Variants in KCNU1 observed in about 807,000 individuals in gnomAD.
KCNU1 encodes potassium channel subfamily U member 1.
In KCNU1, 93 loss-of-function variants were observed where a neutral mutation model predicts 126.8. The ratio of observed to expected loss-of-function variants is 0.73; its 90% CI spans 0.62 to 0.87. The LOEUF (loss-of-function observed/expected upper bound fraction) is 0.87. KCNU1 is among the 40% of genes least tolerant of loss of function. The probability of loss-of-function intolerance (pLI) is 0.00; values close to 1 mark genes in which losing one functional copy is unlikely to be tolerated. For synonymous variants in KCNU1, 523 were observed against 494.2 expected, an observed-to-expected ratio of 1.06 and a Z score of -0.77; for missense variants, 1,330 against 1,367.1, an observed-to-expected ratio of 0.97 and a Z score of 0.43.
rs1191774395 is a variant in KCNU1, at chr8:36,834,771, G to A, written c.1213-15G>A. The A allele has an allele frequency of 5.7e-6, 9 of 1,571,806 alleles. No individual in the cohort carries two copies. The highest frequency in any genetic ancestry group is 2.2e-5 in the South Asian group (2 of 89,024). ...GTAATTAACAAGATGGCTCCTGTCC[G>A]ATCTTGAAGGGTAGGTGGAATCTGC... On this transcript the variant is annotated splice_polypyrimidine_tract_variant and intron_variant, in intron 11 of 26. Coordinates refer to ENST00000399881, the MANE Select transcript of KCNU1 (RefSeq NM_001031836.3).
Position 36,919,010 on chromosome 8 carries a change from G to A in KCNU1, c.2596+113G>A, listed in dbSNP as rs563377500. On this transcript the variant is annotated intron_variant, in intron 23 of 26. Transcript: ENST00000399881. Reference sequence around the variant, plus strand: ...CACAGGACTCAGGAACCAGAATGGGGCTCAGAGCTTTAAGTGCTTGCCCGG... The same window carrying A: ...CACAGGACTCAGGAACCAGAATGGGACTCAGAGCTTTAAGTGCTTGCCCGG... 267 of 718,570 alleles carry A rather than the reference G, an allele frequency of 3.7e-4. 4 individuals carry two copies. The highest frequency in any genetic ancestry group is 8.1e-4 in the Admixed American group (37 of 45,792). The allele number at this position is 718,570 out of a possible 1,614,324, so 44.5% of individuals were successfully genotyped here.
At chr8:36,798,743 G>C (rs561126224) in intron 2 of KCNU1, among the ~76,000 whole-genome samples, 4 of 152,122 alleles carry the variant, frequency 2.6e-5, no homozygotes, top group Non-Finnish European at 4.4e-5. Flanking sequence ...CCCCACCACT[G>C]CTTTGAGTCC....
Position 36,905,748 on chromosome 8 carries a change from G to C in KCNU1, c.2050G>C (p.Asp684His). 6.2e-7 allele frequency: 1 copy of C among 1,606,734 alleles called. No homozygotes were observed. The highest frequency in any genetic ancestry group is 1.1e-5 in the South Asian group (1 of 90,504). ...TGTAGAACAAGATTCTGACCAGCTT[G>C]ATAGCAGTGGGATGTTTCACTGGTG... is the stretch of plus-strand genomic sequence containing the variant. ...HDVEQDSDQL[D>H]SSGMFHWCKP... The change falls in exon 20 of 27, where the codon GAT (aspartate) becomes CAT (histidine). Residue 684 changes from aspartate (D) to histidine (H), a missense_variant. By Grantham distance (81) the Asp-to-His change is moderately conservative (BLOSUM62 -1). Coordinates refer to ENST00000399881, the MANE Select transcript of KCNU1 (RefSeq NM_001031836.3).
chr8:36,911,050 A>G lies in KCNU1; in HGVS notation c.2452A>G (p.Ile818Val), dbSNP rs1454383143. 6.2e-7 allele frequency: 1 copy of G among 1,613,658 alleles called. No individual in the cohort carries two copies. The highest frequency in any genetic ancestry group is 8.5e-7 in the Non-Finnish European group (1 of 1,179,838). ...CCAGACTTTGGTAGACACAGAAGCC[A>G]TCATGGCAACCCTCACCATCGGATC... ...SNQTLVDTEA[I>V]MATLTIGSLQ... is the part of the protein sequence containing the mutation. The change falls in exon 22 of 27, where the codon ATC (isoleucine) becomes GTC (valine). Residue 818 changes from isoleucine to valine, a missense_variant. Ile to Val is a conservative substitution (Grantham distance 29). This residue lies in a region of KCNU1 where 1,054 missense variants were observed against 1,053.9 expected (regional missense o/e 1.00). Coordinates refer to ENST00000399881, the MANE Select transcript of KCNU1 (RefSeq NM_001031836.3).
At chr8:36,819,194 T>C (rs1804033819) in intron 10 of KCNU1, among the ~76,000 whole-genome samples, 1 of 152,158 alleles carries the variant, frequency 6.6e-6, no homozygotes, top group Non-Finnish European at 1.5e-5. Context: ...CTCTTAGACA[T>C]TCTCTGTGGC....
chr8:36,879,019 G>C (rs574855530), intron 19 of KCNU1, among the ~76,000 whole-genome samples: 1 of 147,380 alleles, frequency 6.8e-6, no homozygotes, highest in Non-Finnish European at 1.5e-5. Flanking sequence ...CAAATCATCG[G>C]GACTTTGCTG....
intron 24 of KCNU1, chr8:36,923,063 TAAGTCAAATCTCCCTCCATG>T (rs1808419255): frequency 2.2e-6 from 1 of 457,078 alleles, no homozygotes; most frequent in African/African-American, 2.0e-5. Flanking sequence ...TGCTCAGAGC[TAAGTCAAATCTCCCTCCATG>T]TTCCTCCTCT....
chr8:36,924,232 G>A (rs1286573401), intron 24 of KCNU1, among the ~76,000 whole-genome samples: 1 of 152,190 alleles, frequency 6.6e-6, no homozygotes, highest in Non-Finnish European at 1.5e-5. Flanking sequence ...ATTTTCAAGG[G>A]AAGAGCTGCA....
chr8:36,822,621 G>A (rs931748713), intron 10 of KCNU1, among the ~76,000 whole-genome samples: 2 of 152,074 alleles, frequency 1.3e-5, no homozygotes, highest in African/African-American at 2.4e-5. Context: ...TCTATGAAAT[G>A]TTATGAAAAT....
At chr8:36,808,417 A>T (rs1319874925) in intron 6 of KCNU1, among the ~76,000 whole-genome samples, 1 of 152,106 alleles carries the variant, frequency 6.6e-6, no homozygotes, top group Non-Finnish European at 1.5e-5. Flanking sequence ...AAGTGATATG[A>T]GGCTAGTGGA....
intron 18 of KCNU1, among the ~76,000 whole-genome samples, chr8:36,848,081 C>T (rs1376005268): frequency 3.9e-5 from 6 of 152,190 alleles, no homozygotes. Context: ...TGATGTTAAA[C>T]ATACTTATAT....
intron 20 of KCNU1, among the ~76,000 whole-genome samples, chr8:36,907,711 T>C (rs1202917251): frequency 1.3e-5 from 2 of 152,288 alleles, no homozygotes; most frequent in African/African-American, 4.8e-5. Flanking sequence ...GCCTGTTTCA[T>C]AGAAGATTGC....
intron 19 of KCNU1, among the ~76,000 whole-genome samples, chr8:36,879,292 A>G (rs1806390754): frequency 6.7e-6 from 1 of 148,612 alleles, no homozygotes; most frequent in African/African-American, 2.5e-5. Context: ...TTTAGGTTAT[A>G]TATATACCCA....
At chr8:36,912,770 G>T (rs1447185204) in intron 22 of KCNU1, among the ~76,000 whole-genome samples, 3 of 152,114 alleles carry the variant, frequency 2.0e-5, no homozygotes, top group African/African-American at 7.2e-5. Flanking sequence ...AGGAGATTGA[G>T]ATCATTTTGG....
In KCNU1 at chr8:36,931,106, G is replaced by C; in HGVS notation, c.2892G>C (p.Gly964=). 1 of 1,611,136 alleles carries C rather than the reference G, an allele frequency of 6.2e-7. No homozygotes were observed. The highest frequency in any genetic ancestry group is 8.5e-7 in the Non-Finnish European group (1 of 1,178,470). Residue 964 remains glycine, a synonymous_variant, in exon 25 of 27, where the codon GGG becomes GGC. Transcript: ENST00000399881. The part of the protein sequence containing the change: ...LLSGRNRCKL[G]LLSLHETILS... Reference sequence around the variant, plus strand: ...CTGGAAGAAACCGGTGTAAGCTGGGGCTTCTGTCCTTACACGAAACCATTT... The same window carrying C: ...CTGGAAGAAACCGGTGTAAGCTGGGCCTTCTGTCCTTACACGAAACCATTT...
intron 19 of KCNU1, among the ~76,000 whole-genome samples, chr8:36,885,746 T>A (rs906493677): frequency 6.6e-6 from 1 of 152,002 alleles, no homozygotes; most frequent in Non-Finnish European, 1.5e-5. Context: ...TGAGCCAAGA[T>A]TGTGCCATTG....
chr8:36,896,595 A>G lies in KCNU1; in HGVS notation c.2010-9113A>G, dbSNP rs543226124. Reference sequence around the variant, plus strand: ...AATAGAATGCGATGATCTTTAAGACATCTAAAATTTGGTGTGTTTACTGTT... The same window carrying G: ...AATAGAATGCGATGATCTTTAAGACGTCTAAAATTTGGTGTGTTTACTGTT... On this transcript the variant is annotated intron_variant, in intron 19 of 26. Coordinates refer to ENST00000399881, the MANE Select transcript of KCNU1 (RefSeq NM_001031836.3). Among the ~76,000 whole-genome samples, 7 of 152,190 alleles carry G rather than the reference A, an allele frequency of 4.6e-5. No homozygotes were observed. In the East Asian group the frequency reaches 1.4e-3, roughly 29 times the overall value.
At chr8:36,833,455 A>G (rs1804629096) in intron 10 of KCNU1, 99 bp from the exon 11 acceptor site, 1 of 660,242 alleles carries the variant, frequency 1.5e-6, no homozygotes, top group Non-Finnish European at 2.8e-6. Flanking sequence ...TATCACTATG[A>G]GGGATTCTAC....
In KCNU1 at chr8:36,804,045, C is replaced by A; in HGVS notation, c.334C>A (p.Leu112Ile). 1 of 1,558,726 alleles carries A rather than the reference C, an allele frequency of 6.4e-7. No homozygotes were observed. The highest frequency in any genetic ancestry group is 8.7e-7 in the Non-Finnish European group (1 of 1,148,312). The change falls in exon 3 of 27, where the codon CTA (leucine) becomes ATA (isoleucine). Residue 112 changes from leucine (L) to isoleucine (I), a missense_variant. Leu to Ile is a conservative substitution (Grantham distance 5). Around this residue, in one of 3 missense-constraint regions of KCNU1, gnomAD observed 247 missense variants for 255.4 expected, o/e 0.97. Transcript: ENST00000399881. ...TTTTCAGGTGATCCTTGTCTTTGTA[C>A]TAAGCATTGGGTCTCTTATAATCTA... ...GQVLVILVFV[L>I]SIGSLIIYFI...
Sources: gnomAD v4.1 joint callset for allele counts (sites outside exome capture counted in the v4.1 genomes callset) on GRCh38, gnomAD v4.1.1 for gene constraint, gnomAD v4.1.1 regional missense constraint, MANE v1.5 for transcripts, NCBI Gene and HGNC (gene_info 2026-07-23, HGNC 2026-07-21) for gene names.